BLTP2: variants seen among roughly 807,000 people sequenced by gnomAD.
BLTP2 encodes bridge-like lipid transfer protein family member 2.
chr17:28,621,118 A>T, the BLTP2 span: 1 of 1,614,206 alleles, frequency 6.2e-7, no homozygotes, highest in South Asian at 1.1e-5. Flanking sequence ...TGCAACGCGA[A>T]ATGATCCGCT....
the BLTP2 span, among the ~76,000 whole-genome samples, chr17:28,626,784 G>A: frequency 2.6e-5 from 4 of 152,188 alleles, no homozygotes; most frequent in African/African-American, 4.8e-5. Context: ...CCCATACCTC[G>A]CACTATGCAT....
the BLTP2 span, among the ~76,000 whole-genome samples, chr17:28,622,562 C>G: frequency 1.3e-4 from 20 of 152,152 alleles, no homozygotes; most frequent in Non-Finnish European, 2.8e-4. Context: ...ACACTTAACA[C>G]CTGTTAAATA....
the BLTP2 span, chr17:28,644,310 T>C: frequency 1.9e-6 from 2 of 1,051,926 alleles, no homozygotes; most frequent in Non-Finnish European, 2.8e-6. Context: ...CAACTCTCCT[T>C]TCTTCCAAAG....
At chr17:28,620,652 A>T in the BLTP2 span, 1 of 1,611,502 alleles carries the variant, frequency 6.2e-7, no homozygotes, top group Non-Finnish European at 8.5e-7. Context: ...TTAGCAGCTA[A>T]ATAAAAGGCT....
At chr17:28,615,744 C>G in the BLTP2 span, 3 of 1,614,128 alleles carry the variant, frequency 1.9e-6, no homozygotes, top group Non-Finnish European at 2.5e-6. Flanking sequence ...TTGTGGTACT[C>G]CAGACAGGGC....
chr17:28,617,506 A>G, the BLTP2 span: 14 of 512,000 alleles, frequency 2.7e-5, no homozygotes, highest in African/African-American at 2.3e-4. Context: ...TGTCCAGGAC[A>G]CTAAATGCTG....
At chr17:28,635,107 T>G in the BLTP2 span, 10 of 1,610,328 alleles carry the variant, frequency 6.2e-6, no homozygotes, top group Non-Finnish European at 8.5e-6. Flanking sequence ...ATAAGGAAAC[T>G]CCACCGAGAC....
the BLTP2 span, among the ~76,000 whole-genome samples, chr17:28,626,156 A>C: frequency 6.6e-6 from 1 of 151,630 alleles, no homozygotes; most frequent in Non-Finnish European, 1.5e-5. Flanking sequence ...CCTACACACT[A>C]CTCCCAGATC....
the BLTP2 span, among the ~76,000 whole-genome samples, chr17:28,615,426 T>TAGAAGTTTAG: frequency 6.6e-6 from 1 of 152,228 alleles, no homozygotes; most frequent in Non-Finnish European, 1.5e-5. Context: ...TTCTAAACTT[T>TAGAAGTTTAG]AGGTTGTGTT....
At chr17:28,623,031 C>T in the BLTP2 span, among the ~76,000 whole-genome samples, 21 of 152,160 alleles carry the variant, frequency 1.4e-4, no homozygotes, top group East Asian at 1.5e-3. Flanking sequence ...GCTGAGTTCG[C>T]GCCATTGCAC....
the BLTP2 span, chr17:28,637,854 T>C: frequency 1.7e-5 from 27 of 1,613,954 alleles, no homozygotes; most frequent in South Asian, 2.9e-4. Context: ...GCAGAAAGGG[T>C]AAACAAGTTC....
the BLTP2 span, chr17:28,616,085 G>A: frequency 6.2e-7 from 1 of 1,603,100 alleles, no homozygotes; most frequent in Non-Finnish European, 8.5e-7. This position sits in a 1 kb window ranked among gnomAD's most constrained non-coding sequence, Gnocchi z 4.8. Flanking sequence ...AAGTGCTTGA[G>A]AGGTGCAGAC....
chr17:28,623,916 G>A, the BLTP2 span: 60 of 1,613,944 alleles, frequency 3.7e-5, no homozygotes, highest in African/African-American at 7.6e-4. Flanking sequence ...GTTGGGCTTT[G>A]GCAGCTGACA....
chr17:28,645,123 G>A, the BLTP2 span: 3 of 1,378,056 alleles, frequency 2.2e-6, no homozygotes, highest in African/African-American at 1.5e-5. Flanking sequence ...CCGGATCCGC[G>A]CAGCACCGCC....
At chr17:28,639,404 G>A in the BLTP2 span, 1 of 1,613,802 alleles carries the variant, frequency 6.2e-7, no homozygotes, top group East Asian at 2.2e-5. Flanking sequence ...CCTGGTGCCG[G>A]TAGTGAATGA....
chr17:28,628,637 G>A, the BLTP2 span: 106 of 1,272,368 alleles, frequency 8.3e-5, no homozygotes, highest in African/African-American at 1.5e-3. Context: ...AAAGTTTGTT[G>A]AATAAGAAAC....
the BLTP2 span, chr17:28,638,038 A>T: frequency 6.2e-7 from 1 of 1,614,236 alleles, no homozygotes; most frequent in Non-Finnish European, 8.5e-7. Context: ...TGGTACAATC[A>T]AGAAAAAGGG....
chr17:28,635,576 T>C, the BLTP2 span: 2 of 1,613,956 alleles, frequency 1.2e-6, no homozygotes, highest in Non-Finnish European at 1.7e-6. Flanking sequence ...TCTGGGGGGC[T>C]CCAAAGTAAG....
the BLTP2 span, chr17:28,644,037 C>T: frequency 6.2e-7 from 1 of 1,613,406 alleles, no homozygotes; most frequent in Non-Finnish European, 8.5e-7. Context: ...ACACACATAT[C>T]CAGAGTTTCC....
Sources: gnomAD v4.1 joint callset for allele counts (sites outside exome capture counted in the v4.1 genomes callset) on GRCh38, gnomAD v4.1.1 for gene constraint, Gnocchi (gnomAD v3.1) non-coding constraint, MANE v1.5 for transcripts, NCBI Gene and HGNC (gene_info 2026-07-23, HGNC 2026-07-21) for gene names.